The following ARHGAP15 variants were observed in gnomAD, a reference collection of about 807,000 sequenced individuals.
ARHGAP15 encodes the protein rho GTPase-activating protein 15.
ARHGAP15 carries 51 observed loss-of-function variants against 63.7 expected under a neutral mutation model. The ratio of observed to expected loss-of-function variants is 0.80; its 90% CI spans 0.64 to 1.01. The LOEUF (loss-of-function observed/expected upper bound fraction) is 1.01, where lower values mean the gene tolerates loss of function less well. Among genes scored for constraint, ARHGAP15 ranks in the 50% least tolerant of loss-of-function variants. The pLI, the probability that ARHGAP15 is intolerant of heterozygous loss-of-function variation, is 0.00. For missense variants in ARHGAP15, 560 were observed against 564.6 expected (o/e 0.99, Z 0.08); for synonymous variants, 191 against 193.8 (o/e 0.99, Z 0.12).
At chr2:143,600,070 C>T (rs1455362268) in intron 11 of ARHGAP15, among the ~76,000 whole-genome samples, 1 of 152,102 alleles carries the variant, frequency 6.6e-6, no homozygotes, top group African/African-American at 2.4e-5. Flanking sequence ...GTGAATTTGG[C>T]ATAGAGTCAT....
At chr2:143,470,269 C>T (rs1012512499) in intron 8 of ARHGAP15, among the ~76,000 whole-genome samples, 2 of 149,282 alleles carry the variant, frequency 1.3e-5, no homozygotes, top group African/African-American at 4.9e-5. Flanking sequence ...TACTACAACT[C>T]TTTCTAGGTG....
chr2:143,565,694 C>T (rs528203726), intron 11 of ARHGAP15, among the ~76,000 whole-genome samples: 14 of 152,220 alleles, frequency 9.2e-5, no homozygotes, highest in South Asian at 4.1e-4. Context: ...AAGCTTGAGG[C>T]GAGATAACTT....
intron 3 of ARHGAP15, among the ~76,000 whole-genome samples, chr2:143,207,316 T>C (rs1269329201): frequency 6.6e-6 from 1 of 152,132 alleles, no homozygotes; most frequent in Non-Finnish European, 1.5e-5. Flanking sequence ...TACTCTATTT[T>C]AGCCCCAATG....
chr2:143,566,694 C>T (rs111692440), intron 11 of ARHGAP15, among the ~76,000 whole-genome samples: 4 of 151,964 alleles, frequency 2.6e-5, no homozygotes, highest in Non-Finnish European at 4.4e-5. Context: ...TGCATTTGCT[C>T]CTGTCTACTG....
At chr2:143,482,048 A>G (rs1452516593) in intron 8 of ARHGAP15, among the ~76,000 whole-genome samples, 1 of 152,246 alleles carries the variant, frequency 6.6e-6, no homozygotes, top group African/African-American at 2.4e-5. Context: ...TGGGAAAAGC[A>G]GAGGAAAACA....
At chr2:143,240,823 C>G (rs543848202) in intron 5 of ARHGAP15, among the ~76,000 whole-genome samples, 1 of 152,032 alleles carries the variant, frequency 6.6e-6, no homozygotes, top group Non-Finnish European at 1.5e-5. Context: ...ATCAAGTGAT[C>G]GATATTGCTA....
chr2:143,675,594 G>A (rs115847217), intron 12 of ARHGAP15, among the ~76,000 whole-genome samples: 5 of 152,094 alleles, frequency 3.3e-5, no homozygotes, highest in African/African-American at 1.2e-4. Flanking sequence ...AAGCAACATT[G>A]GTCTCCTTGT....
chr2:143,199,366 G>A (rs577120352), intron 2 of ARHGAP15, among the ~76,000 whole-genome samples: 1 of 152,212 alleles, frequency 6.6e-6, no homozygotes, highest in South Asian at 2.1e-4. Flanking sequence ...TTATGTAACA[G>A]TTAGATGGAA....
intron 6 of ARHGAP15, among the ~76,000 whole-genome samples, chr2:143,341,098 T>C (rs942742334): frequency 6.6e-6 from 1 of 152,090 alleles, no homozygotes; most frequent in Non-Finnish European, 1.5e-5. Context: ...CTCTTCTCTG[T>C]GAACACATAG....
At chr2:143,226,674 T>C (rs1266327910) in intron 4 of ARHGAP15, among the ~76,000 whole-genome samples, 3 of 152,212 alleles carry the variant, frequency 2.0e-5, no homozygotes, top group Non-Finnish European at 2.9e-5. Flanking sequence ...GTTTTGTTTT[T>C]TCATCTTTTC....
intron 12 of ARHGAP15, among the ~76,000 whole-genome samples, chr2:143,684,862 T>C (rs990349059): frequency 6.6e-6 from 1 of 152,192 alleles, no homozygotes; most frequent in Admixed American, 6.5e-5. Context: ...GGCTGATTGA[T>C]ATAAATAACA....
chr2:143,730,892 TAAAAAAAAAAAA>T (rs1158246680), intron 13 of ARHGAP15, among the ~76,000 whole-genome samples: 4 of 84,052 alleles, frequency 4.8e-5, no homozygotes, highest in African/African-American at 1.4e-4. Flanking sequence ...AGCACTCCTT[TAAAAAAAAAAAA>T]AAAAAAAAAA....
intron 13 of ARHGAP15, among the ~76,000 whole-genome samples, chr2:143,764,824 T>C (rs1686892392): frequency 6.6e-6 from 1 of 152,210 alleles, no homozygotes; most frequent in Admixed American, 6.5e-5. Flanking sequence ...ATCCTGTCAA[T>C]GTTTACATCA....
At chr2:143,561,635 C>G (rs539168826) in intron 11 of ARHGAP15, among the ~76,000 whole-genome samples, 1 of 151,738 alleles carries the variant, frequency 6.6e-6, no homozygotes, top group African/African-American at 2.4e-5. Context: ...CCTGCCTCAG[C>G]CACCTGAGTA....
At chr2:143,271,515 G>A (rs1002022797) in intron 6 of ARHGAP15, among the ~76,000 whole-genome samples, 1 of 152,192 alleles carries the variant, frequency 6.6e-6, no homozygotes, top group Non-Finnish European at 1.5e-5. Context: ...TCGCTCTGTC[G>A]CCCAGGCTTG....
At chr2:143,600,887 A>G (rs989965432) in intron 11 of ARHGAP15, among the ~76,000 whole-genome samples, 5 of 152,312 alleles carry the variant, frequency 3.3e-5, no homozygotes, top group African/African-American at 1.2e-4. Flanking sequence ...AAGCTAAGAA[A>G]ATGCAATGAA....
At chr2:143,579,227 G>A (rs781692535) in intron 11 of ARHGAP15, among the ~76,000 whole-genome samples, 1 of 152,134 alleles carries the variant, frequency 6.6e-6, no homozygotes. Context: ...AAATGTGATA[G>A]GAAGCATCTA....
At chr2:143,513,328 T>C (rs1408118644) in intron 9 of ARHGAP15, among the ~76,000 whole-genome samples, 1 of 152,104 alleles carries the variant, frequency 6.6e-6, no homozygotes, top group Non-Finnish European at 1.5e-5. Context: ...CTAAAAATAA[T>C]CAGCAGTGTA....
chr2:143,508,165 T>C (rs770162778), intron 9 of ARHGAP15, among the ~76,000 whole-genome samples: 10 of 152,176 alleles, frequency 6.6e-5, no homozygotes, highest in Non-Finnish European at 1.3e-4. Context: ...TCCTCAGCCA[T>C]ACTTCCTCTT....
Sources: gnomAD v4.1 joint callset for allele counts (sites outside exome capture counted in the v4.1 genomes callset) on GRCh38, gnomAD v4.1.1 for gene constraint, MANE v1.5 for transcripts, NCBI Gene and HGNC (gene_info 2026-07-23, HGNC 2026-07-21) for gene names.